Variants in SF3B2 observed in about 807,000 individuals in gnomAD.
SF3B2 encodes splicing factor 3b subunit 2, also known as SAP 145.
A neutral mutation model predicts 116.3 loss-of-function variants in SF3B2; 22 were observed. That is an observed-to-expected ratio of 0.19 (90% CI 0.14 to 0.27). The LOEUF is 0.27. SF3B2 is among the 10% of genes least tolerant of loss of function. The probability of loss-of-function intolerance (pLI) is 1.00; values close to 1 mark genes in which losing one functional copy is unlikely to be tolerated. For missense variants in SF3B2, 767 were observed against 1,151.4 expected (o/e 0.67, Z 4.83); for synonymous variants, 406 against 421.6 (o/e 0.96, Z 0.45).
At position 66,061,886 on chromosome 11, in the gene SF3B2, T is replaced by G; in HGVS notation, c.1870-5T>G. On this transcript the variant is annotated splice_polypyrimidine_tract_variant and splice_region_variant and intron_variant, in intron 15 of 21. Coordinates refer to ENST00000322535, the MANE Select transcript of SF3B2 (RefSeq NM_006842.3). ...AGATGGTATCCTGTTCTCTTTTTCC[T>G]GCAGAATGCCCACAAGGTCCCTCCC... 1 of 1,611,740 alleles carries G rather than the reference T, an allele frequency of 6.2e-7. No homozygotes were observed. Among genetic ancestry groups the G allele is most frequent in the Non-Finnish European group, 8.5e-7 (1 of 1,178,102 alleles).
intron 3 of SF3B2, among the ~76,000 whole-genome samples, chr11:66,054,755 T>C (rs1856962458): frequency 6.6e-6 from 1 of 152,240 alleles, no homozygotes; most frequent in South Asian, 2.1e-4. Context: ...GCAGTGGCTC[T>C]GACCTGGCAT....
intron 5 of SF3B2, among the ~76,000 whole-genome samples, chr11:66,056,631 T>C (rs1856999528): frequency 6.6e-6 from 1 of 152,140 alleles, no homozygotes; most frequent in Non-Finnish European, 1.5e-5. Context: ...TTCCTTGGTG[T>C]TATTTCTAGG....
At chr11:66,057,022 G>A (rs2135041846) in intron 6 of SF3B2, 67 bp downstream of exon 6, 3 of 1,212,212 alleles carry the variant, frequency 2.5e-6, no homozygotes, top group South Asian at 2.4e-5. Context: ...AGACTTTTAA[G>A]GTATCTATCA....
intron 5 of SF3B2, 120 bp downstream of exon 5, chr11:66,055,705 A>G (rs1856982090): frequency 2.4e-6 from 2 of 846,540 alleles, no homozygotes; most frequent in Non-Finnish European, 3.7e-6. Context: ...ACTAAGTTCT[A>G]GTATCTTCCA....
intron 20 of SF3B2, 32 bp from the exon 21 acceptor site, chr11:66,068,116 T>C (rs371013246): frequency 2.5e-6 from 4 of 1,613,222 alleles, no homozygotes; most frequent in Non-Finnish European, 3.4e-6. Context: ...TCTGACTCTT[T>C]GGAGATGACC....
chr11:66,057,019 T>A, intron 6 of SF3B2, 64 bp downstream of exon 6: 1 of 1,227,436 alleles, frequency 8.1e-7, no homozygotes, highest in African/African-American at 1.5e-5. Flanking sequence ...AAAAGACTTT[T>A]AAGGTATCTA....
At chr11:66,057,972 CA>C (rs60074596) in intron 7 of SF3B2, 81 bp from the exon 8 acceptor site, 47,625 of 774,358 alleles carry the variant, frequency 0.062, no homozygotes, top group East Asian at 0.17. Flanking sequence ...AACTCCGTCT[CA>C]AAAAAAAAAA....
Position 66,069,014 on chromosome 11 carries a change from G to T in SF3B2, c.*269G>T. 2.2e-6 allele frequency: 1 copy of T among 452,782 alleles called. No individual in the cohort carries two copies. The highest frequency in any genetic ancestry group is 3.8e-5 in the East Asian group (1 of 26,240). The allele number at this position is 452,782 out of a possible 1,614,324, so 28.0% of individuals were successfully genotyped here. Reference sequence around the variant, plus strand: ...CCCCAGTAACCACGAACATAAACTGGGATTAGACGGCGCATTTGACTGGTG... The same window carrying T: ...CCCCAGTAACCACGAACATAAACTGTGATTAGACGGCGCATTTGACTGGTG... On this transcript the variant is annotated 3_prime_UTR_variant, in exon 22 of 22. Coordinates refer to ENST00000322535, the MANE Select transcript of SF3B2 (RefSeq NM_006842.3).
At chr11:66,067,779 C>G in intron 19 of SF3B2, 167 bp from the exon 20 acceptor site, 1 of 615,802 alleles carries the variant, frequency 1.6e-6, no homozygotes. Context: ...TGCCACCCCC[C>G]CGCCCAATTC....
chr11:66,059,711 T>C lies in SF3B2; in HGVS notation c.1402-71T>C, dbSNP rs1409578909. ...GTGTGGGTGATTTGGGTTTGGGTCC[T>C]TTGAGGAAGAAGAGCTTCAGAACTG... On this transcript the variant is annotated intron_variant, in intron 12 of 21. Transcript: ENST00000322535. The surrounding 1 kb of genome is among the most constrained non-coding windows in gnomAD (Gnocchi z 5.0). 9.4e-6 allele frequency: 15 copies of C among 1,600,548 alleles called. No individual in the cohort carries two copies. Among genetic ancestry groups the C allele is most frequent in the Non-Finnish European group, 1.3e-5 (15 of 1,168,158 alleles).
intron 3 of SF3B2, among the ~76,000 whole-genome samples, chr11:66,054,113 T>C (rs1483748551): frequency 1.5e-5 from 2 of 132,592 alleles, no homozygotes; most frequent in Admixed American, 8.2e-5. Flanking sequence ...ACCCTGGAGG[T>C]GGACGGTGCA....
chr11:66,053,336 C>T (rs1856924916), intron 3 of SF3B2: 1 of 550,754 alleles, frequency 1.8e-6, no homozygotes, highest in South Asian at 2.1e-5. Context: ...CTCTTCAGTT[C>T]TCTCTTTGAT....
At position 66,059,074 on chromosome 11, in the gene SF3B2, A is replaced by G. The variant is rs1221934864; in HGVS notation, c.1182+29A>G. 1 of 1,609,542 alleles carries G rather than the reference A, an allele frequency of 6.2e-7. No homozygotes were observed. The highest frequency in any genetic ancestry group is 1.7e-4 in the Middle Eastern group (1 of 6,040). The stretch of plus-strand genomic sequence containing the variant: ...CAAGGAGAGCACACTAGGAAGGGGC[A>G]GTGCCAAACAGGGAAGGGGCTCAGA... On this transcript the variant is annotated intron_variant, in intron 10 of 21. Transcript: ENST00000322535. The surrounding 1 kb of genome is among the most constrained non-coding windows in gnomAD (Gnocchi z 5.0).
intron 6 of SF3B2, 91 bp downstream of exon 6, chr11:66,057,046 C>A: frequency 1.0e-6 from 1 of 961,990 alleles, no homozygotes; most frequent in Non-Finnish European, 1.7e-6. Flanking sequence ...TTAAAAAGGG[C>A]ATATATAGTA....
At chr11:66,063,199 G>T (rs1257957894) in intron 17 of SF3B2, 83 bp downstream of exon 17, 1 of 1,167,712 alleles carries the variant, frequency 8.6e-7, no homozygotes, top group Non-Finnish European at 1.3e-6. Context: ...TTATCAGGGA[G>T]TTGTGTGTTC....
At position 66,058,864 on chromosome 11, in the gene SF3B2, A is replaced by G; in HGVS notation, c.1001A>G (p.Lys334Arg). The G allele has an allele frequency of 1.2e-6, 2 of 1,612,646 alleles. No homozygotes were observed. The highest frequency in any genetic ancestry group is 8.5e-7 in the Non-Finnish European group (1 of 1,179,714). ...NRKRRNRKKK[K>R]KPQRVRGVSS... ...AAGCGTAGGAACCGAAAGAAGAAGA[A>G]AAAGCCCCAGCGGGTGCGAGGGGTG... The change falls in exon 10 of 22, where the codon AAA becomes AGA. Residue 334 changes from lysine (K) to arginine (R), a missense_variant. Transcript: ENST00000322535.
At position 66,063,013 on chromosome 11, in the gene SF3B2, G is replaced by C; in HGVS notation, c.1982G>C (p.Cys661Ser). 1 of 1,612,930 alleles carries C rather than the reference G, an allele frequency of 6.2e-7. No individual in the cohort carries two copies. Among genetic ancestry groups the C allele is most frequent in the Non-Finnish European group, 8.5e-7 (1 of 1,179,146 alleles). ...PGLNSPIPES[C>S]SFGYHAGGWG... ...ATTGTGCTCACTGTCTTGCAGAGCT[G>C]TTCCTTTGGGTACCATGCTGGTGGC... is the stretch of plus-strand genomic sequence containing the variant. Residue 661 changes from cysteine to serine, a missense_variant, in exon 17 of 22, where the codon TGT becomes TCT. Physicochemically the swap from Cys to Ser is moderately radical, Grantham distance 112. Coordinates refer to ENST00000322535, the MANE Select transcript of SF3B2 (RefSeq NM_006842.3).
In SF3B2 at chr11:66,058,936, G is replaced by A. The variant is rs755493507; in HGVS notation, c.1073G>A (p.Arg358His). The stretch of plus-strand genomic sequence containing the variant: ...CGGGAGAAAGACTCAACCCGGTCCC[G>A]TGGCTCTGATTCCCCAGCAGCTGAT... ...GDREKDSTRS[R>H]GSDSPAADVE... is the part of the protein sequence containing the mutation. The change falls in exon 10 of 22, where the codon CGT becomes CAT. Residue 358 changes from arginine (R) to histidine (H), a missense_variant. Physicochemically the swap from Arg to His is conservative, Grantham distance 29. Around this residue, in one of 4 missense-constraint regions of SF3B2, gnomAD observed 455 missense variants for 537.5 expected, o/e 0.85. Transcript: ENST00000322535. The A allele has an allele frequency of 4.3e-5, 70 of 1,614,042 alleles. No individual in the cohort carries two copies. The highest frequency in any genetic ancestry group is 5.3e-5 in the Non-Finnish European group (62 of 1,180,036).
chr11:66,062,016 G>T lies in SF3B2; in HGVS notation c.1977+18G>T, dbSNP rs371568336. The stretch of plus-strand genomic sequence containing the variant: ...TCCCTGAGGTGAGCATTGTCCTTTC[G>T]TTCATTCTTGGCCATTTCTGCTTTT... On this transcript the variant is annotated intron_variant, in intron 16 of 21. Transcript: ENST00000322535. 3.3e-5 allele frequency: 52 copies of T among 1,579,536 alleles called. No homozygotes were observed. The African/African-American group carries it at 5.7e-4, about 17-fold the overall frequency.
Sources: gnomAD v4.1 joint callset for allele counts (sites outside exome capture counted in the v4.1 genomes callset) on GRCh38, gnomAD v4.1.1 for gene constraint, gnomAD v4.1.1 regional missense constraint, Gnocchi (gnomAD v3.1) non-coding constraint, MANE v1.5 for transcripts, NCBI Gene and HGNC (gene_info 2026-07-23, HGNC 2026-07-21) for gene names.